Variants in XKR6 observed in about 807,000 individuals in gnomAD.
The protein encoded by XKR6 is XK-related protein 6.
A neutral mutation model predicts 56.7 loss-of-function variants in XKR6; 22 were observed. That is an observed-to-expected ratio of 0.39 (90% CI 0.28 to 0.55). XKR6 has a LOEUF of 0.55. XKR6 is among the 20% of genes least tolerant of loss of function. XKR6 has a pLI of 0.66. For synonymous variants in XKR6, 524 were observed against 387.8 expected (o/e 1.35, Z -4.13); for missense variants, 852 against 889.0 (o/e 0.96, Z 0.53).
chr8:11,028,812 T>G lies in XKR6; in HGVS notation c.765-103982A>C, dbSNP rs368397902. On this transcript the variant is annotated intron_variant, in intron 1 of 2. Transcript: ENST00000416569. ...CACAGCAACCCTATGGCCCAGGCAC[T>G]ATGACAGTCCACATTTACACACAGG... is the stretch of plus-strand genomic sequence containing the variant. Among the ~76,000 whole-genome samples the G allele has an allele frequency of 1.2e-3, 177 of 152,306 alleles. 1 individual carries two copies. Among genetic ancestry groups the G allele is most frequent in the African/African-American group, 4.1e-3 (170 of 41,576 alleles).
intron 1 of XKR6, among the ~76,000 whole-genome samples, chr8:11,030,586 T>C (rs6601548): frequency 0.26 from 40,211 of 152,130 alleles, 11,713 homozygotes; most frequent in African/African-American, 0.73. Context: ...AGCAATGACC[T>C]CTGCAAGGGT....
chr8:10,988,868 C>T (rs561628462), intron 1 of XKR6, among the ~76,000 whole-genome samples: 8 of 152,294 alleles, frequency 5.3e-5, no homozygotes, highest in African/African-American at 1.9e-4. Context: ...GTGCAGATTC[C>T]CTTTGCTGTC....
chr8:11,010,415 G>A (rs1185159398), intron 1 of XKR6, among the ~76,000 whole-genome samples: 1 of 152,112 alleles, frequency 6.6e-6, no homozygotes. Context: ...ATGACTTTGG[G>A]CAAATGACTT....
chr8:10,978,552 C>G (rs940991247), intron 1 of XKR6, among the ~76,000 whole-genome samples: 2 of 152,188 alleles, frequency 1.3e-5, no homozygotes, highest in Non-Finnish European at 2.9e-5. Flanking sequence ...GGGTCTCGTG[C>G]ATTCTCCTCC....
At chr8:10,980,340 C>A (rs959936703) in intron 1 of XKR6, among the ~76,000 whole-genome samples, 23 of 152,230 alleles carry the variant, frequency 1.5e-4, no homozygotes, top group African/African-American at 5.5e-4. Flanking sequence ...GCTCTGAATA[C>A]AAGGCAGAGA....
intron 1 of XKR6, among the ~76,000 whole-genome samples, chr8:11,017,490 G>C (rs999412670): frequency 2.1e-5 from 3 of 145,526 alleles, no homozygotes; most frequent in African/African-American, 8.5e-5. Context: ...GGGCTGCAAG[G>C]TTGCCTGCAA....
intron 1 of XKR6, among the ~76,000 whole-genome samples, chr8:10,974,929 T>C (rs1025280704): frequency 6.6e-5 from 10 of 152,234 alleles, no homozygotes; most frequent in African/African-American, 2.2e-4. Flanking sequence ...CTTAATGCCA[T>C]TGAATTGTAC....
chr8:11,121,297 C>A (rs1027208639), intron 1 of XKR6, among the ~76,000 whole-genome samples: 1 of 151,992 alleles, frequency 6.6e-6, no homozygotes, highest in Admixed American at 6.6e-5. Flanking sequence ...ATCTGACAAA[C>A]GGCTAATATC....
chr8:10,907,410 A>G (rs1227688205), intron 2 of XKR6, among the ~76,000 whole-genome samples: 1 of 152,202 alleles, frequency 6.6e-6, no homozygotes, highest in Non-Finnish European at 1.5e-5. Context: ...TAACAGTGAT[A>G]TCTTCCCTCT....
intron 1 of XKR6, among the ~76,000 whole-genome samples, chr8:11,116,685 C>T (rs1382267004): frequency 1.3e-5 from 2 of 152,158 alleles, no homozygotes; most frequent in African/African-American, 2.4e-5. Flanking sequence ...TGCTACCATT[C>T]GTTGGCAAGA....
chr8:11,184,635 T>G (rs1340518432), intron 1 of XKR6, among the ~76,000 whole-genome samples: 1 of 152,220 alleles, frequency 6.6e-6, no homozygotes, highest in Non-Finnish European at 1.5e-5. Context: ...AAAACATTTC[T>G]GGTTTGGTTT....
At chr8:10,921,727 G>T (rs1223611354) in intron 2 of XKR6, among the ~76,000 whole-genome samples, 1 of 152,200 alleles carries the variant, frequency 6.6e-6, no homozygotes, top group Non-Finnish European at 1.5e-5. Context: ...TCTGTTTGGG[G>T]TGTCAAGATC....
At chr8:11,054,731 AGTGTGGGTGGACGGGGT>A (rs1161645274) in intron 1 of XKR6, among the ~76,000 whole-genome samples, 3 of 152,140 alleles carry the variant, frequency 2.0e-5, no homozygotes, top group Non-Finnish European at 4.4e-5. Flanking sequence ...GGAGGAAGGA[AGTGTGGGTGGACGGGGT>A]GTGATATTGC....
intron 1 of XKR6, among the ~76,000 whole-genome samples, chr8:11,072,907 G>A (rs1056775521): frequency 6.6e-5 from 10 of 152,110 alleles, no homozygotes; most frequent in East Asian, 1.9e-4. Flanking sequence ...AAAATTAGCC[G>A]GGCGTGGTGG....
intron 1 of XKR6, among the ~76,000 whole-genome samples, chr8:11,003,790 C>T (rs986362541): frequency 8.5e-5 from 13 of 152,162 alleles, no homozygotes; most frequent in African/African-American, 2.9e-4. Flanking sequence ...ATAATAAATG[C>T]TCTAACAGGC....
At chr8:11,072,181 C>T (rs111261669) in intron 1 of XKR6, among the ~76,000 whole-genome samples, 2,948 of 151,886 alleles carry the variant, frequency 0.019, 114 homozygotes, top group African/African-American at 0.066. Flanking sequence ...CTCAGCTCCA[C>T]CCCCTCTCTG....
At chr8:11,063,280 A>G (rs1354628799) in intron 1 of XKR6, among the ~76,000 whole-genome samples, 1 of 152,042 alleles carries the variant, frequency 6.6e-6, no homozygotes, top group African/African-American at 2.4e-5. Flanking sequence ...ATAAAGAAAA[A>G]CAAATCAAAG....
chr8:11,133,103 T>C (rs1450507677), intron 1 of XKR6, among the ~76,000 whole-genome samples: 2 of 152,178 alleles, frequency 1.3e-5, no homozygotes, highest in African/African-American at 4.8e-5. Context: ...TGAATATAGT[T>C]GGCTTTAAAT....
rs189785753 is a variant in XKR6 at position 10,896,476 on chromosome 8, G to C, written c.*1476C>G. ...CTGAACCAAGCCGTGATCCAAGTTC[G>C]TCTTACATCAGTTTTGTATATCTCT... On this transcript the variant is annotated 3_prime_UTR_variant, in exon 3 of 3. Coordinates refer to ENST00000416569, the MANE Select transcript of XKR6 (RefSeq NM_173683.4). 6.6e-6 allele frequency: 1 copy of C among 152,458 alleles called. No homozygotes were observed. The highest frequency in any genetic ancestry group is 6.6e-5 in the Admixed American group (1 of 15,242). The allele number at this position is 152,458 out of a possible 1,614,324, so 9.4% of individuals were successfully genotyped here.
Sources: gnomAD v4.1 joint callset for allele counts (sites outside exome capture counted in the v4.1 genomes callset) on GRCh38, gnomAD v4.1.1 for gene constraint, MANE v1.5 for transcripts, NCBI Gene and HGNC (gene_info 2026-07-23, HGNC 2026-07-21) for gene names.